Variants in SCHIP1 observed in about 807,000 individuals in gnomAD.
SCHIP1 encodes schwannomin-interacting protein 1.
A neutral mutation model predicts 29.7 loss-of-function variants in SCHIP1; 8 were observed. That is an observed-to-expected ratio of 0.27 (90% CI 0.16 to 0.49). The LOEUF (loss-of-function observed/expected upper bound fraction) is 0.49, where lower values mean the gene tolerates loss of function less well. Among genes scored for constraint, SCHIP1 ranks in the 20% least tolerant of loss-of-function variants. The pLI, the probability that SCHIP1 is intolerant of heterozygous loss-of-function variation, is 0.99. For missense variants in SCHIP1, 193 were observed against 294.6 expected (o/e 0.66, Z 2.52); for synonymous variants, 76 against 94.9 (o/e 0.80, Z 1.16).
At chr3:159,818,384 C>G in the SCHIP1 span, among the ~76,000 whole-genome samples, 1 of 152,214 alleles carries the variant, frequency 6.6e-6, no homozygotes, top group Non-Finnish European at 1.5e-5. Context: ...GCATTGATCA[C>G]TTGGAAACCT....
At chr3:159,660,894 G>T in the SCHIP1 span, among the ~76,000 whole-genome samples, 2,064 of 152,264 alleles carry the variant, frequency 0.014, 46 homozygotes, top group African/African-American at 0.048. Context: ...GCTGGGAAAA[G>T]GACAGTCCAT....
chr3:159,338,501 A>T, the SCHIP1 span, among the ~76,000 whole-genome samples: 1 of 152,052 alleles, frequency 6.6e-6, no homozygotes, highest in Non-Finnish European at 1.5e-5. Context: ...AGAACCTTAT[A>T]AGCCACTTTA....
At chr3:159,620,337 G>A in the SCHIP1 span, among the ~76,000 whole-genome samples, 1 of 152,138 alleles carries the variant, frequency 6.6e-6, no homozygotes, top group Non-Finnish European at 1.5e-5. Context: ...ATGGAAAATG[G>A]GAAACAGGAT....
the SCHIP1 span, among the ~76,000 whole-genome samples, chr3:159,385,560 A>C: frequency 1.4e-5 from 1 of 72,390 alleles, no homozygotes; most frequent in African/African-American, 5.3e-5. Flanking sequence ...AAGACTCTGC[A>C]AACAAACAAA....
At chr3:159,641,438 T>C in the SCHIP1 span, among the ~76,000 whole-genome samples, 4 of 152,186 alleles carry the variant, frequency 2.6e-5, no homozygotes, top group Non-Finnish European at 4.4e-5. Context: ...TGTTCCAAAG[T>C]TAATACAGTT....
chr3:159,461,899 A>G, the SCHIP1 span, among the ~76,000 whole-genome samples: 1 of 152,138 alleles, frequency 6.6e-6, no homozygotes, highest in Non-Finnish European at 1.5e-5. Context: ...TTGCAGATAA[A>G]CATAAAGAGC....
the SCHIP1 span, among the ~76,000 whole-genome samples, chr3:159,646,993 T>G: frequency 6.6e-6 from 1 of 151,856 alleles, no homozygotes; most frequent in Non-Finnish European, 1.5e-5. Flanking sequence ...AGGAGAGAGA[T>G]CTGGGCTAAG....
the SCHIP1 span, among the ~76,000 whole-genome samples, chr3:159,799,728 A>T: frequency 2.6e-5 from 4 of 152,242 alleles, no homozygotes; most frequent in African/African-American, 4.8e-5. Flanking sequence ...AGCCTGGCAC[A>T]CAGAAGTTTC....
the SCHIP1 span, among the ~76,000 whole-genome samples, chr3:159,733,671 C>T: frequency 6.6e-6 from 1 of 152,160 alleles, no homozygotes; most frequent in Non-Finnish European, 1.5e-5. Flanking sequence ...TGAGTAGTCA[C>T]TGAAGAATTC....
the SCHIP1 span, among the ~76,000 whole-genome samples, chr3:159,582,819 C>CACACAT: frequency 1.3e-5 from 2 of 150,924 alleles, no homozygotes; most frequent in African/African-American, 2.5e-5. Flanking sequence ...CACACACACA[C>CACACAT]ATTCAAAAAT....
At chr3:159,566,151 G>T in the SCHIP1 span, among the ~76,000 whole-genome samples, 1 of 152,096 alleles carries the variant, frequency 6.6e-6, no homozygotes, top group Admixed American at 6.6e-5. Flanking sequence ...CAGAGACAGG[G>T]CTGCCTTATA....
the SCHIP1 span, among the ~76,000 whole-genome samples, chr3:159,521,343 G>C: frequency 4.6e-5 from 7 of 152,178 alleles, no homozygotes; most frequent in Non-Finnish European, 2.9e-5. Context: ...TTCTACTGCT[G>C]TTTTTCCTGG....
chr3:159,458,558 ACTTTT>A, the SCHIP1 span, among the ~76,000 whole-genome samples: 20 of 139,630 alleles, frequency 1.4e-4, no homozygotes, highest in Admixed American at 1.4e-3. Context: ...AGATGAACTG[ACTTTT>A]CTTTTTTTTT....
the SCHIP1 span, among the ~76,000 whole-genome samples, chr3:159,776,507 C>T: frequency 6.6e-6 from 1 of 152,104 alleles, no homozygotes; most frequent in African/African-American, 2.4e-5. Context: ...TATTTTTGAA[C>T]ACTCGAATTG....
In SCHIP1 at chr3:159,886,561, T is replaced by C. The variant is rs556956090; in HGVS notation, c.267+237T>C. Reference sequence around the variant, plus strand: ...TTTTCATATTAAACCATTAGAGAAATCACCAGCCTGGGCAACATGGCAAAA... The same window carrying C: ...TTTTCATATTAAACCATTAGAGAAACCACCAGCCTGGGCAACATGGCAAAA... On this transcript the variant is annotated intron_variant, in intron 3 of 6. Transcript: ENST00000445224. The C allele has an allele frequency of 6.4e-4, 242 of 375,644 alleles. 1 individual carries two copies. Among genetic ancestry groups the C allele is most frequent in the African/African-American group, 4.8e-3 (228 of 47,856 alleles). The allele number at this position is 375,644 out of a possible 1,614,324, so 23.3% of individuals were successfully genotyped here. A position where few individuals can be genotyped will look rare whatever the true frequency, so the allele number is the denominator to read the frequency against.
At chr3:159,636,910 T>C in the SCHIP1 span, among the ~76,000 whole-genome samples, 1 of 152,374 alleles carries the variant, frequency 6.6e-6, no homozygotes, top group East Asian at 1.9e-4. Context: ...GCCTCTCCAA[T>C]ACTTTATTAG....
the SCHIP1 span, among the ~76,000 whole-genome samples, chr3:159,761,464 T>C: frequency 3.9e-5 from 6 of 152,238 alleles, no homozygotes; most frequent in Non-Finnish European, 8.8e-5. Flanking sequence ...AAAATGTCCC[T>C]GTAAACAGGA....
chr3:159,284,354 A>G, the SCHIP1 span, among the ~76,000 whole-genome samples: 3 of 152,252 alleles, frequency 2.0e-5, no homozygotes, highest in Non-Finnish European at 2.9e-5. Context: ...ATACTCCTTT[A>G]TTACTTTTAA....
chr3:159,410,073 T>C, the SCHIP1 span, among the ~76,000 whole-genome samples: 5 of 152,160 alleles, frequency 3.3e-5, no homozygotes, highest in Non-Finnish European at 5.9e-5. Context: ...GATATCCATA[T>C]GCAGAAGAAT....
Sources: allele counts gnomAD v4.1 joint callset (sites outside exome capture counted in the v4.1 genomes callset), GRCh38; gene constraint gnomAD v4.1.1; transcripts MANE v1.5; gene names NCBI Gene and HGNC (gene_info 2026-07-23, HGNC 2026-07-21).